The following NRK variants were observed in gnomAD, a reference collection of about 807,000 sequenced individuals.
The protein encoded by NRK is Nik related kinase.
NRK carries 67 observed loss-of-function variants against 125.2 expected under a neutral mutation model. That is an observed-to-expected ratio of 0.54 (90% CI 0.44 to 0.66). The LOEUF (loss-of-function observed/expected upper bound fraction) is 0.66, where lower values mean the gene tolerates loss of function less well. Ranked by LOEUF, NRK falls within the 30% of genes least tolerant of loss-of-function variation. The pLI, the probability that NRK is intolerant of heterozygous loss-of-function variation, is 0.00. For missense variants in NRK, 1,224 were observed against 1,192.9 expected (o/e 1.03, Z -0.38); for synonymous variants, 458 against 429.0 (o/e 1.07, Z -0.84).
At chrX:105,834,904 C>G (rs768983360) in intron 2 of NRK, among the ~76,000 whole-genome samples, 1 of 110,934 alleles carries the variant, frequency 9.0e-6, no homozygotes, top group Admixed American at 9.7e-5. Context: ...ACTGAAATCC[C>G]CTATTTGTTT....
intron 19 of NRK, among the ~76,000 whole-genome samples, chrX:105,933,298 T>G (rs543541018): frequency 9.0e-6 from 1 of 111,576 alleles, no homozygotes; most frequent in South Asian, 3.8e-4. Context: ...CAAGGAATGT[T>G]TTGGAAATTT....
intron 19 of NRK, among the ~76,000 whole-genome samples, chrX:105,930,608 T>C (rs1376559337): frequency 9.0e-6 from 1 of 111,585 alleles, no homozygotes; most frequent in Non-Finnish European, 1.9e-5. Context: ...AAAATTATTA[T>C]GTTCCTTTGA....
chrX:105,949,648 T>C lies in NRK; in HGVS notation c.4427T>C (p.Phe1476Ser). 3 of 1,196,040 alleles carry C rather than the reference T, an allele frequency of 2.5e-6. No homozygotes were observed. The highest frequency in any genetic ancestry group is 3.4e-6 in the Non-Finnish European group (3 of 881,530). The change falls in exon 27 of 29, where the codon TTC becomes TCC. Residue 1476 changes from phenylalanine (F) to serine (S), a missense_variant. Coordinates refer to ENST00000243300, the MANE Select transcript of NRK (RefSeq NM_198465.4). The part of the protein sequence containing the change: ...DCLGIGMMLT[F>S]NAEALSVEAN... ...TTGGGAATTGGCATGATGCTCACCT[T>C]CAATGCTGAAGCCCTCTCTGTGGAA...
At chrX:105,894,084 A>G in intron 6 of NRK, 142 bp downstream of exon 6, 1 of 390,774 alleles carries the variant, frequency 2.6e-6, no homozygotes, top group Non-Finnish European at 4.3e-6. Context: ...AAAGGCCAAA[A>G]AGCTTTTGAG....
chrX:105,893,385 C>T (rs1408052205), intron 5 of NRK, among the ~76,000 whole-genome samples: 1 of 111,416 alleles, frequency 9.0e-6, no homozygotes, highest in Non-Finnish European at 1.9e-5. Flanking sequence ...TCTTTTGAGA[C>T]CCTCCATATT....
chrX:105,843,977 C>CTGTGTGTGTGTGTG (rs751188822), intron 2 of NRK, among the ~76,000 whole-genome samples: 1 of 87,391 alleles, frequency 1.1e-5, no homozygotes, highest in African/African-American at 4.5e-5. Context: ...GTCCTGCACT[C>CTGTGTGTGTGTGTG]TGTGTGTGTG....
intron 2 of NRK, among the ~76,000 whole-genome samples, chrX:105,845,313 A>ATATT (rs1339302313): frequency 1.8e-5 from 2 of 111,711 alleles, no homozygotes; most frequent in Non-Finnish European, 3.8e-5. Flanking sequence ...GGTTAATTCT[A>ATATT]TATTTTGTAG....
At chrX:105,942,074 CATA>C (rs1569319321) in intron 23 of NRK, among the ~76,000 whole-genome samples, 1 of 111,716 alleles carries the variant, frequency 9.0e-6, no homozygotes, top group Non-Finnish European at 1.9e-5. Flanking sequence ...TTTTACTTAG[CATA>C]ATATTTTCAA....
Position 105,946,031 on chromosome X carries a change from A to C in NRK, c.4203+16A>C. On this transcript the variant is annotated intron_variant, in intron 25 of 28. Coordinates refer to ENST00000243300, the MANE Select transcript of NRK (RefSeq NM_198465.4). ...GAAGCTCAAGGCAAGGAACTTGAAG[A>C]CAGCAAACAGAATGCAGGGTCATAC... The C allele has an allele frequency of 8.3e-7, 1 of 1,199,088 alleles. No individual in the cohort carries two copies. Among genetic ancestry groups the C allele is most frequent in the Non-Finnish European group, 1.1e-6 (1 of 886,431 alleles).
chrX:105,863,286 G>A (rs1310908435), intron 2 of NRK, among the ~76,000 whole-genome samples: 1 of 106,145 alleles, frequency 9.4e-6, no homozygotes, highest in Non-Finnish European at 1.9e-5. Context: ...TATTTAGACT[G>A]GCCAAACTTC....
At chrX:105,854,219 G>C (rs930607711) in intron 2 of NRK, among the ~76,000 whole-genome samples, 4 of 112,116 alleles carry the variant, frequency 3.6e-5, no homozygotes, top group Non-Finnish European at 7.5e-5. Flanking sequence ...AATTTACGTA[G>C]TGAGATACTT....
At chrX:105,935,030 A>C in intron 20 of NRK, 140 bp from the exon 21 acceptor site, 2 of 438,688 alleles carry the variant, frequency 4.6e-6, no homozygotes, top group Non-Finnish European at 7.8e-6. Context: ...GTAGCATATA[A>C]GGTGTACAGA....
At chrX:105,923,597 T>G in intron 18 of NRK, 115 bp downstream of exon 18, 1 of 458,761 alleles carries the variant, frequency 2.2e-6, no homozygotes, top group East Asian at 3.8e-5. Context: ...TCACTTGCAT[T>G]TTAGTAAATA....
chrX:105,910,120 TTCTG>T (rs1328206468), intron 13 of NRK, among the ~76,000 whole-genome samples: 3 of 112,178 alleles, frequency 2.7e-5, no homozygotes, highest in Non-Finnish European at 5.6e-5. Context: ...ATTATTAGTT[TTCTG>T]TCTATTATTC....
At chrX:105,945,844 A>T in intron 24 of NRK, 28 bp from the exon 25 acceptor site, 1 of 1,194,107 alleles carries the variant, frequency 8.4e-7, no homozygotes, top group Non-Finnish European at 1.1e-6. Flanking sequence ...GTAGGTTAAC[A>T]TGTCTGGCCC....
At chrX:105,903,841 C>T (rs140894795) in intron 9 of NRK, among the ~76,000 whole-genome samples, 1,735 of 111,714 alleles carry the variant, frequency 0.016, 36 homozygotes, top group African/African-American at 0.053. Flanking sequence ...TACCAACTCC[C>T]TTACAATAAG....
intron 2 of NRK, among the ~76,000 whole-genome samples, chrX:105,870,684 C>T (rs987527549): frequency 9.0e-6 from 1 of 111,511 alleles, no homozygotes; most frequent in Non-Finnish European, 1.9e-5. Flanking sequence ...TGTTTCCCTG[C>T]AGGAGTAATA....
chrX:105,946,551 A>T, intron 26 of NRK, 87 bp downstream of exon 26: 1 of 696,727 alleles, frequency 1.4e-6, no homozygotes, highest in South Asian at 2.8e-5. Flanking sequence ...AGGTTTAAAA[A>T]TATGATTAGT....
chrX:105,894,080 C>CA (rs929478711), intron 6 of NRK, 138 bp downstream of exon 6: 3 of 391,126 alleles, frequency 7.7e-6, no homozygotes, highest in Admixed American at 5.0e-5. Flanking sequence ...CTGAAAAGGC[C>CA]AAAAAGCTTT....
Sources: allele counts gnomAD v4.1 joint callset (sites outside exome capture counted in the v4.1 genomes callset), GRCh38; gene constraint gnomAD v4.1.1; transcripts MANE v1.5; gene names NCBI Gene and HGNC (gene_info 2026-07-23, HGNC 2026-07-21).